The following IGSF21 variants were observed in gnomAD, a reference collection of about 807,000 sequenced individuals.
IGSF21 encodes immunoglobin superfamily member 21, also known as immunoglobulin superfamily member 21.
A neutral mutation model predicts 46.8 loss-of-function variants in IGSF21; 28 were observed. The observed-to-expected ratio is 0.60, with a 90% CI of 0.44 to 0.82. The LOEUF (loss-of-function observed/expected upper bound fraction) is 0.82. Ranked by LOEUF, IGSF21 falls within the 40% of genes least tolerant of loss-of-function variation. The pLI is 0.00. For synonymous variants in IGSF21, 284 were observed against 273.6 expected, an observed-to-expected ratio of 1.04 and a Z score of -0.38; for missense variants, 624 against 665.5, an observed-to-expected ratio of 0.94 and a Z score of 0.69.
chr1:18,268,608 C>T (rs2085012681), intron 2 of IGSF21, among the ~76,000 whole-genome samples: 1 of 152,226 alleles, frequency 6.6e-6, no homozygotes, highest in Non-Finnish European at 1.5e-5. Context: ...TGGTTTGCCT[C>T]ATCTCTCCTC....
Position 18,290,222 on chromosome 1 carries a change from A to AG in IGSF21, c.184-1643dup, listed in dbSNP as rs1335488698. On this transcript the variant is annotated intron_variant, in intron 2 of 9. Transcript: ENST00000251296. The surrounding 1 kb of genome is among the most constrained non-coding windows in gnomAD (Gnocchi z 4.2). ...TCCTCCACTCTCATGGTCCCGTTTC[A>AG]GAAGCTGGGCCTGTGCTGCAGAAGC... 4.6e-5 allele frequency among the ~76,000 whole-genome samples: 7 copies of AG among 152,274 alleles called. No homozygotes were observed. Among genetic ancestry groups the AG allele is most frequent in the African/African-American group, 1.7e-4 (7 of 41,556 alleles).
chr1:18,249,744 G>A (rs916966899), intron 2 of IGSF21, among the ~76,000 whole-genome samples: 3 of 152,204 alleles, frequency 2.0e-5, no homozygotes, highest in Non-Finnish European at 4.4e-5. Context: ...TCTGATTCTA[G>A]ATGCTAGGTT....
chr1:18,167,968 C>T (rs1025425589), intron 1 of IGSF21, among the ~76,000 whole-genome samples: 3 of 152,160 alleles, frequency 2.0e-5, no homozygotes, highest in Non-Finnish European at 2.9e-5. Context: ...ACACCTTGAT[C>T]ACCTCTACCG....
At chr1:18,376,038 C>T (rs1328210876) in intron 6 of IGSF21, 1 of 369,384 alleles carries the variant, frequency 2.7e-6, no homozygotes, top group Non-Finnish European at 5.2e-6. Flanking sequence ...TTCTTCCCCA[C>T]TGATGTGTGA....
chr1:18,178,131 A>G (rs1457769414), intron 1 of IGSF21, among the ~76,000 whole-genome samples: 1 of 152,156 alleles, frequency 6.6e-6, no homozygotes, highest in Non-Finnish European at 1.5e-5. Flanking sequence ...AGGCTGGAAA[A>G]GAGAGAAAGG....
At chr1:18,216,565 C>T (rs975378981) in intron 1 of IGSF21, among the ~76,000 whole-genome samples, 7 of 152,086 alleles carry the variant, frequency 4.6e-5, no homozygotes, top group Non-Finnish European at 7.3e-5. Context: ...GTGGAGGGTC[C>T]AAACTGAGGC....
Position 18,291,887 on chromosome 1 carries a change from A to G in IGSF21, c.205A>G (p.Lys69Glu). Residue 69 changes from lysine (K) to glutamate (E), a missense_variant, in exon 3 of 10, where the codon AAG (lysine) becomes GAG (glutamate). Lys to Glu is a moderately conservative substitution (Grantham distance 56). Coordinates refer to ENST00000251296, the MANE Select transcript of IGSF21 (RefSeq NM_032880.5). ...WYRVTDGGTI[K>E]QKIFTFDAMF... ...GCAGGTGACGGATGGTGGCACCATC[A>G]AGCAAAAGATCTTCACCTTCGACGC... 6.2e-7 allele frequency: 1 copy of G among 1,614,074 alleles called. No homozygotes were observed. Among genetic ancestry groups the G allele is most frequent in the Non-Finnish European group, 8.5e-7 (1 of 1,179,990 alleles).
In IGSF21 at chr1:18,365,226, T is replaced by C. The variant is rs1043170913; in HGVS notation, c.544T>C (p.Tyr182His). The C allele has an allele frequency of 1.3e-6, 2 of 1,595,002 alleles. No homozygotes were observed. Among genetic ancestry groups the C allele is most frequent in the Non-Finnish European group, 1.7e-6 (2 of 1,167,882 alleles). ...VSGGKPAPMVYFKRDGEPIDA... is the reference protein window; with the variant it reads ...VSGGKPAPMVHFKRDGEPIDA... ...CACACCCTCCTTACAATGGCAGGTTTATTTCAAACGAGATGGGGAACCAAT... is the reference window on the plus strand; with the variant it reads ...CACACCCTCCTTACAATGGCAGGTTCATTTCAAACGAGATGGGGAACCAAT... The change falls in exon 6 of 10, where the codon TAT becomes CAT. Residue 182 changes from tyrosine to histidine, a missense_variant. Transcript: ENST00000251296. This position sits in a 1 kb window ranked among gnomAD's most constrained non-coding sequence, Gnocchi z 4.8.
At chr1:18,170,946 C>CAG (rs2086730539) in intron 1 of IGSF21, among the ~76,000 whole-genome samples, 2 of 152,094 alleles carry the variant, frequency 1.3e-5, no homozygotes, top group African/African-American at 2.4e-5. Flanking sequence ...ATGGTGGATG[C>CAG]AGGGAATCAG....
At position 18,304,913 on chromosome 1, in the gene IGSF21, G is replaced by A. The variant is rs572585072; in HGVS notation, c.305+12926G>A. On this transcript the variant is annotated intron_variant, in intron 3 of 9. Transcript: ENST00000251296. The stretch of plus-strand genomic sequence containing the variant: ...TCAGAATAAAGTATTTGTTGCCGTG[G>A]TATTTCTTCACATTAGAATTTGCTC... Among the ~76,000 whole-genome samples the A allele has an allele frequency of 3.3e-5, 5 of 152,356 alleles. No individual in the cohort carries two copies. In the South Asian group the frequency reaches 6.2e-4, roughly 19 times the overall value.
intron 2 of IGSF21, among the ~76,000 whole-genome samples, chr1:18,264,669 C>T (rs1488325788): frequency 6.6e-6 from 1 of 152,130 alleles, no homozygotes; most frequent in Non-Finnish European, 1.5e-5. Context: ...CTATGTCTGC[C>T]CCCAGACCGG....
intron 2 of IGSF21, among the ~76,000 whole-genome samples, chr1:18,239,465 C>T (rs1045674231): frequency 1.8e-4 from 27 of 152,142 alleles, no homozygotes; most frequent in Admixed American, 1.4e-3. Context: ...CCCCACACTT[C>T]GCAAGAGCTT....
At position 18,220,145 on chromosome 1, in the gene IGSF21, A is replaced by G. The variant is rs149210871; in HGVS notation, c.71-7753A>G. The stretch of plus-strand genomic sequence containing the variant: ...TTCAGTTAAGTGCCACTACCTGTAG[A>G]TTTGTCTGCCTTACAGTCTCTCCCT... On this transcript the variant is annotated intron_variant, in intron 1 of 9. Transcript: ENST00000251296. 3.4e-3 allele frequency among the ~76,000 whole-genome samples: 519 copies of G among 152,154 alleles called. 2 individuals carry two copies. Among genetic ancestry groups the G allele is most frequent in the Admixed American group, 5.0e-3 (77 of 15,274 alleles).
At chr1:18,321,704 G>A (rs574249388) in intron 3 of IGSF21, among the ~76,000 whole-genome samples, 3 of 152,282 alleles carry the variant, frequency 2.0e-5, no homozygotes, top group South Asian at 2.1e-4. Context: ...TCATCCCACC[G>A]TAATCGCCTC....
At chr1:18,377,493 C>G in intron 9 of IGSF21, 62 bp downstream of exon 9, 1 of 1,373,268 alleles carries the variant, frequency 7.3e-7, no homozygotes, top group Non-Finnish European at 1.0e-6. Context: ...CGCCAGAAAG[C>G]TCTGGTCCCC....
intron 1 of IGSF21, among the ~76,000 whole-genome samples, chr1:18,224,200 T>G (rs1217327847): frequency 6.6e-6 from 1 of 152,200 alleles, no homozygotes; most frequent in Non-Finnish European, 1.5e-5. Context: ...TGGCTCAGGT[T>G]CTACAAGATG....
intron 2 of IGSF21, among the ~76,000 whole-genome samples, chr1:18,236,658 A>G (rs1311330602): frequency 6.6e-6 from 1 of 152,228 alleles, no homozygotes; most frequent in Non-Finnish European, 1.5e-5. Context: ...TCCAATATTT[A>G]GAGATAGAAA....
intron 3 of IGSF21, among the ~76,000 whole-genome samples, chr1:18,323,305 C>G: frequency 6.6e-6 from 1 of 152,212 alleles, no homozygotes; most frequent in South Asian, 2.1e-4. Context: ...CCCAGGGCCT[C>G]AGGACAAAGG....
intron 2 of IGSF21, among the ~76,000 whole-genome samples, chr1:18,277,208 C>T (rs2085110524): frequency 1.3e-5 from 2 of 152,216 alleles, no homozygotes; most frequent in African/African-American, 2.4e-5. Flanking sequence ...GTTTGAGGCC[C>T]AGCTCCTGCC....
Sources: allele counts gnomAD v4.1 joint callset (sites outside exome capture counted in the v4.1 genomes callset), GRCh38; gene constraint gnomAD v4.1.1; non-coding constraint Gnocchi (gnomAD v3.1); transcripts MANE v1.5; gene names NCBI Gene and HGNC (gene_info 2026-07-23, HGNC 2026-07-21).